Variants in STXBP3 observed in about 807,000 individuals in gnomAD.
The protein encoded by STXBP3 is syntaxin-binding protein 3.
Under a neutral mutation model 85.7 loss-of-function variants are expected in STXBP3, and 41 were observed. The ratio of observed to expected loss-of-function variants is 0.48; its 90% CI spans 0.37 to 0.62. STXBP3 has a LOEUF of 0.62. Among genes scored for constraint, STXBP3 ranks in the 20% least tolerant of loss-of-function variants. The pLI is 0.00. For missense variants in STXBP3, 563 were observed against 703.1 expected, an observed-to-expected ratio of 0.80 and a Z score of 2.25; for synonymous variants, 229 against 231.7, an observed-to-expected ratio of 0.99 and a Z score of 0.10.
At chr1:108,807,025 A>G (rs1414770186) in intron 17 of STXBP3, among the ~76,000 whole-genome samples, 3 of 152,162 alleles carry the variant, frequency 2.0e-5, no homozygotes, top group South Asian at 2.1e-4. Flanking sequence ...AGGCCAAGGT[A>G]GGCAGATCAC....
intron 8 of STXBP3, among the ~76,000 whole-genome samples, chr1:108,778,724 G>C (rs1390587002): frequency 6.6e-6 from 1 of 152,062 alleles, no homozygotes; most frequent in Non-Finnish European, 1.5e-5. Flanking sequence ...CAATTCATAA[G>C]AAAATAGATA....
chr1:108,805,031 G>A (rs1220587478), intron 17 of STXBP3, among the ~76,000 whole-genome samples: 2 of 152,102 alleles, frequency 1.3e-5, no homozygotes, highest in Non-Finnish European at 2.9e-5. Flanking sequence ...AGTGCTCCTT[G>A]GTGCTATTTA....
In STXBP3 at chr1:108,799,510, A is replaced by G. The variant is rs536767781; in HGVS notation, c.1450-710A>G. ...CCTTTAGAATTTCTCCTGAAACTTG[A>G]TTTCCTCCCTTCTTGCAGTCTTACT... On this transcript the variant is annotated intron_variant, in intron 16 of 18. Coordinates refer to ENST00000370008, the MANE Select transcript of STXBP3 (RefSeq NM_007269.4). 2.0e-5 allele frequency among the ~76,000 whole-genome samples: 3 copies of G among 152,238 alleles called. No individual in the cohort carries two copies. The East Asian group carries it at 5.8e-4, about 29-fold the overall frequency.
chr1:108,786,932 G>GT, intron 11 of STXBP3, among the ~76,000 whole-genome samples: 1 of 152,126 alleles, frequency 6.6e-6, no homozygotes, highest in East Asian at 1.9e-4. Flanking sequence ...TATGTAGATA[G>GT]TTTATCTCAG....
At chr1:108,765,846 A>ATTTT (rs1221460441) in intron 6 of STXBP3, among the ~76,000 whole-genome samples, 9 of 74,016 alleles carry the variant, frequency 1.2e-4, no homozygotes, top group African/African-American at 1.8e-4. Flanking sequence ...TGCTCCCGGC[A>ATTTT]TTTTTTTTTT....
chr1:108,803,333 C>T (rs1557816556), intron 17 of STXBP3, among the ~76,000 whole-genome samples: 1 of 149,922 alleles, frequency 6.7e-6, no homozygotes, highest in Admixed American at 6.6e-5. Context: ...ATCTTTTTTA[C>T]CCCCCATATT....
chr1:108,763,958 T>G (rs1419952781), intron 6 of STXBP3, among the ~76,000 whole-genome samples: 1 of 152,138 alleles, frequency 6.6e-6, no homozygotes, highest in Admixed American at 6.5e-5. Context: ...CAAGGGGGTT[T>G]GTTACACAGA....
chr1:108,798,572 T>C (rs775871699), intron 16 of STXBP3, among the ~76,000 whole-genome samples: 15 of 151,880 alleles, frequency 9.9e-5, no homozygotes, highest in Non-Finnish European at 1.9e-4. Flanking sequence ...CACGCCACCA[T>C]GCCTGGCTAA....
Position 108,782,475 on chromosome 1 carries a change from T to C in STXBP3, c.863T>C (p.Leu288Pro). Residue 288 changes from leucine to proline, a missense_variant, in exon 10 of 19, where the codon CTC (leucine) becomes CCC (proline). Coordinates refer to ENST00000370008, the MANE Select transcript of STXBP3 (RefSeq NM_007269.4). ...KEAILEEEDD[L>P]WVRIRHRHIA... Reference sequence around the variant, plus strand: ...GCCATCCTTGAAGAAGAAGATGACCTCTGGGTTAGAATTCGACATCGACAT... The same window carrying C: ...GCCATCCTTGAAGAAGAAGATGACCCCTGGGTTAGAATTCGACATCGACAT... The C allele has an allele frequency of 6.2e-7, 1 of 1,613,842 alleles. No individual in the cohort carries two copies.
intron 11 of STXBP3, among the ~76,000 whole-genome samples, chr1:108,791,421 C>G (rs1662971905): frequency 6.6e-6 from 1 of 152,076 alleles, no homozygotes; most frequent in Admixed American, 6.6e-5. Context: ...TGGTCATTAT[C>G]TCCTCACATC....
At chr1:108,797,440 GCTCT>G (rs977751999) in intron 15 of STXBP3, among the ~76,000 whole-genome samples, 4 of 149,418 alleles carry the variant, frequency 2.7e-5, no homozygotes, top group Non-Finnish European at 5.9e-5. Flanking sequence ...TGAGACAGAG[GCTCT>G]CTCTGTAGCA....
chr1:108,789,083 T>C (rs995513082), intron 11 of STXBP3, among the ~76,000 whole-genome samples: 2 of 152,080 alleles, frequency 1.3e-5, no homozygotes, highest in African/African-American at 4.8e-5. Context: ...AAAATAAAAT[T>C]CACTGCATAT....
At chr1:108,808,491 T>C (rs1298530253) in intron 18 of STXBP3, among the ~76,000 whole-genome samples, 3 of 152,232 alleles carry the variant, frequency 2.0e-5, no homozygotes, top group Non-Finnish European at 4.4e-5. Context: ...ACTGTTATAG[T>C]GCTGAGGATA....
chr1:108,787,531 C>T (rs1318279329), intron 11 of STXBP3, among the ~76,000 whole-genome samples: 1 of 152,068 alleles, frequency 6.6e-6, no homozygotes, highest in African/African-American at 2.4e-5. Flanking sequence ...GTTAGACAAG[C>T]TTGTCATACG....
At chr1:108,783,326 T>C (rs979151682) in intron 11 of STXBP3, among the ~76,000 whole-genome samples, 1 of 152,234 alleles carries the variant, frequency 6.6e-6, no homozygotes, top group Admixed American at 6.5e-5. Flanking sequence ...ACCACCACTT[T>C]AAATCAAGAT....
At chr1:108,798,032 T>A in intron 15 of STXBP3, 113 bp from the exon 16 acceptor site, 1 of 889,120 alleles carries the variant, frequency 1.1e-6, no homozygotes, top group Admixed American at 2.5e-5. Context: ...TAGTTTTAAG[T>A]CAAATACAAT....
At chr1:108,768,576 A>C (rs1662317501) in intron 6 of STXBP3, among the ~76,000 whole-genome samples, 1 of 152,174 alleles carries the variant, frequency 6.6e-6, no homozygotes, top group Non-Finnish European at 1.5e-5. Context: ...GAGGTGAAGG[A>C]ATGAAAGATA....
At chr1:108,794,516 A>G (rs1471109686) in intron 12 of STXBP3, among the ~76,000 whole-genome samples, 1 of 152,198 alleles carries the variant, frequency 6.6e-6, no homozygotes, top group South Asian at 2.1e-4. Flanking sequence ...CTCACTTACT[A>G]TTATGAGAAC....
At chr1:108,753,034 A>G in intron 2 of STXBP3, 29 bp from the exon 3 acceptor site, 1 of 1,496,158 alleles carries the variant, frequency 6.7e-7, no homozygotes, top group Non-Finnish European at 9.0e-7. Context: ...GGATGCTTAC[A>G]GTATTTTTAA....
Sources: allele counts gnomAD v4.1 joint callset (sites outside exome capture counted in the v4.1 genomes callset), GRCh38; gene constraint gnomAD v4.1.1; transcripts MANE v1.5; gene names NCBI Gene and HGNC (gene_info 2026-07-23, HGNC 2026-07-21).